The following SOX5 variants were observed in gnomAD, a reference collection of about 807,000 sequenced individuals.
SOX5 encodes the protein SRY-box transcription factor 5, also known as transcription factor SOX-5.
A neutral mutation model predicts 92.0 loss-of-function variants in SOX5; 9 were observed. That is an observed-to-expected ratio of 0.10 (90% CI 0.06 to 0.17). The LOEUF (loss-of-function observed/expected upper bound fraction) is 0.17. Ranked by LOEUF, SOX5 falls within the 10% of genes least tolerant of loss-of-function variation. SOX5 has a pLI of 1.00. For missense variants in SOX5, 642 were observed against 944.5 expected (o/e 0.68, Z 4.20); for synonymous variants, 344 against 336.3 (o/e 1.02, Z -0.25).
At chr12:23,895,678 G>A in intron 2 of SOX5, 115 bp downstream of exon 2, 1 of 711,688 alleles carries the variant, frequency 1.4e-6, no homozygotes, top group Non-Finnish European at 2.5e-6. Flanking sequence ...GGTGAATCTT[G>A]TGCATGGGTT....
At chr12:23,860,952 T>TAAAAAAAAAAAAAAAAAAAAA (rs71059935) in intron 2 of SOX5, among the ~76,000 whole-genome samples, 4 of 45,936 alleles carry the variant, frequency 8.7e-5, no homozygotes, top group African/African-American at 3.3e-4. Flanking sequence ...GTATATTTTG[T>TAAAAAAAAAAAAAAAAAAAAA]AAAAAAAAAA....
Position 24,393,969 on chromosome 12 carries a change from C to T in SOX5, c.-250-25330G>A, listed in dbSNP as rs1410571801. ...TACCCTGCGTGGGGAAAAATAAAAC[C>T]GTGAGTGGCTGAAGAACACACAATA... On this transcript the variant is annotated intron_variant, in intron 1 of 4. Transcript: ENST00000446891. The surrounding 1 kb of genome is among the most constrained non-coding windows in gnomAD (Gnocchi z 5.0). Among the ~76,000 whole-genome samples the T allele has an allele frequency of 6.6e-6, 1 of 152,088 alleles. No homozygotes were observed. The highest frequency in any genetic ancestry group is 1.5e-5 in the Non-Finnish European group (1 of 68,006).
At chr12:24,499,494 A>G (rs1947974440) in intron 1 of SOX5, among the ~76,000 whole-genome samples, 1 of 152,262 alleles carries the variant, frequency 6.6e-6, no homozygotes, top group Non-Finnish European at 1.5e-5. Flanking sequence ...GAGCATGCTC[A>G]GGAAGGATGG....
At chr12:23,642,269 CTCTGGA>C (rs1040323634) in intron 7 of SOX5, among the ~76,000 whole-genome samples, 7 of 152,176 alleles carry the variant, frequency 4.6e-5, no homozygotes, top group Non-Finnish European at 8.8e-5. Flanking sequence ...GGATCTACCT[CTCTGGA>C]TCTGGCCTTC....
chr12:23,815,874 G>A (rs2095980766), intron 3 of SOX5, among the ~76,000 whole-genome samples: 1 of 152,068 alleles, frequency 6.6e-6, no homozygotes, highest in African/African-American at 2.4e-5. Flanking sequence ...ATCTATAAAG[G>A]GCTAGATAGG....
chr12:24,204,317 TATTATTATTA>T (rs897731506), intron 4 of SOX5, among the ~76,000 whole-genome samples: 1 of 144,318 alleles, frequency 6.9e-6, no homozygotes, highest in African/African-American at 2.5e-5. Context: ...CCATTATTAT[TATTATTATTA>T]ATTATTATTA....
chr12:23,741,042 A>G lies in SOX5; in HGVS notation c.569-3T>C, dbSNP rs778111768. 19 of 1,577,952 alleles carry G rather than the reference A, an allele frequency of 1.2e-5. No homozygotes were observed. The highest frequency in any genetic ancestry group is 1.4e-5 in the Non-Finnish European group (16 of 1,159,118). ...CTCAGCTAAGCTCTCGGGAGTCCCT[A>G]CAAATCATATAGCAATAAAACAGAC... On this transcript the variant is annotated splice_polypyrimidine_tract_variant and splice_region_variant and intron_variant, in intron 4 of 14. Transcript: ENST00000451604.
At chr12:24,383,319 G>C (rs748828857) in intron 1 of SOX5, among the ~76,000 whole-genome samples, 20 of 152,170 alleles carry the variant, frequency 1.3e-4, no homozygotes, top group Non-Finnish European at 2.1e-4. Flanking sequence ...GTTTTTAATA[G>C]AGACAATTCC....
At chr12:24,350,616 C>CT in intron 2 of SOX5, among the ~76,000 whole-genome samples, 1 of 152,264 alleles carries the variant, frequency 6.6e-6, no homozygotes, top group East Asian at 1.9e-4. Context: ...AGTGCTGAGA[C>CT]TACAGGCATG....
intron 4 of SOX5, among the ~76,000 whole-genome samples, chr12:24,092,815 T>G (rs1944816226): frequency 6.6e-6 from 1 of 152,238 alleles, no homozygotes; most frequent in South Asian, 2.1e-4. Flanking sequence ...AATCTTGTTC[T>G]GGGCATGTTT....
chr12:24,104,318 A>C (rs982044160), intron 4 of SOX5, among the ~76,000 whole-genome samples: 5 of 152,310 alleles, frequency 3.3e-5, no homozygotes, highest in African/African-American at 1.2e-4. Context: ...AGTGGTAAGA[A>C]ACATTATCTA....
At chr12:24,482,217 T>C (rs1436392900) in intron 1 of SOX5, among the ~76,000 whole-genome samples, 1 of 152,118 alleles carries the variant, frequency 6.6e-6, no homozygotes, top group Non-Finnish European at 1.5e-5. Flanking sequence ...AAGATTCCCA[T>C]ATGGGAAAAG....
At chr12:24,213,601 AT>A (rs34063517) in intron 3 of SOX5, among the ~76,000 whole-genome samples, 103,710 of 148,924 alleles carry the variant, frequency 0.7, 36,354 homozygotes, top group African/African-American at 0.73. Flanking sequence ...CATTATAATA[AT>A]TTTTTTTTTT....
At position 24,050,374 on chromosome 12, in the gene SOX5, C is replaced by T. The variant is rs536573555; in HGVS notation, c.-1-154350G>A. On this transcript the variant is annotated intron_variant, in intron 4 of 4. Transcript: ENST00000446891. ...GGATCATAAGCTTCGTCAGCAAACA[C>T]GGTGAGTGTATACCTGTTCATGGTG... 5.3e-5 allele frequency among the ~76,000 whole-genome samples: 8 copies of T among 152,204 alleles called. No individual in the cohort carries two copies. The South Asian group carries it at 8.3e-4, about 16-fold the overall frequency.
At chr12:23,779,814 T>TATATATATATATATATATATACACAC (rs777013504) in intron 3 of SOX5, among the ~76,000 whole-genome samples, 3 of 110,808 alleles carry the variant, frequency 2.7e-5, no homozygotes, top group African/African-American at 1.1e-4. Context: ...TATATATATA[T>TATATATATATATATATATATACACAC]ACACACACAC....
chr12:23,962,605 T>C (rs1303922060), intron 4 of SOX5, among the ~76,000 whole-genome samples: 1 of 152,204 alleles, frequency 6.6e-6, no homozygotes, highest in African/African-American at 2.4e-5. Context: ...TCTTTATTAA[T>C]TTTATAATGG....
At position 23,566,902 on chromosome 12, in the gene SOX5, C is replaced by T. The variant is rs531378376; in HGVS notation, c.1343-3499G>A. 5.9e-5 allele frequency among the ~76,000 whole-genome samples: 9 copies of T among 152,272 alleles called. No individual in the cohort carries two copies. The South Asian group carries it at 1.9e-3, about 32-fold the overall frequency. The stretch of plus-strand genomic sequence containing the variant: ...GTGTGATATTTGACAAATTTTAATG[C>T]TCAATCTAAGTTTTCACTTCCCTTA... On this transcript the variant is annotated intron_variant, in intron 10 of 14. Transcript: ENST00000451604.
chr12:24,207,222 T>C (rs557458144), intron 4 of SOX5, among the ~76,000 whole-genome samples: 16 of 152,324 alleles, frequency 1.1e-4, no homozygotes, highest in African/African-American at 3.6e-4. Context: ...AAAGGCAACA[T>C]TCGCCATCAC....
intron 6 of SOX5, among the ~76,000 whole-genome samples, chr12:23,703,483 T>TA (rs2140245384): frequency 6.6e-6 from 1 of 152,088 alleles, no homozygotes; most frequent in East Asian, 1.9e-4. Context: ...AAACAACTCT[T>TA]ACATCTTTTT....
Sources: gnomAD v4.1 joint callset for allele counts (sites outside exome capture counted in the v4.1 genomes callset) on GRCh38, gnomAD v4.1.1 for gene constraint, Gnocchi (gnomAD v3.1) non-coding constraint, MANE v1.5 for transcripts, NCBI Gene and HGNC (gene_info 2026-07-23, HGNC 2026-07-21) for gene names.